Variants in LTBP1 observed in about 807,000 individuals in gnomAD.
The protein encoded by LTBP1 is latent transforming growth factor beta binding protein 1.
Under a neutral mutation model 207.6 loss-of-function variants are expected in LTBP1, and 129 were observed. The observed-to-expected ratio is 0.62, with a 90% CI of 0.54 to 0.72. The LOEUF is 0.72. Among genes scored for constraint, LTBP1 ranks in the 30% least tolerant of loss-of-function variants. LTBP1 has a pLI of 0.00. For synonymous variants in LTBP1, 963 were observed against 833.7 expected, an observed-to-expected ratio of 1.16 and a Z score of -2.67; for missense variants, 2,281 against 2,217.2, an observed-to-expected ratio of 1.03 and a Z score of -0.58.
In LTBP1 at chr2:33,051,281, G is replaced by A. The variant is rs375107599; in HGVS notation, c.863+30075G>A. Among the ~76,000 whole-genome samples the A allele has an allele frequency of 1.1e-4, 16 of 152,236 alleles. No homozygotes were observed. In the East Asian group the frequency reaches 1.9e-3, roughly 18 times the overall value. ...AAAATACAAAAATTGGCTGGGTGTG[G>A]TGGTGTGTGCCTGTTGTTCTAGCTA... is the stretch of plus-strand genomic sequence containing the variant. On this transcript the variant is annotated intron_variant, in intron 3 of 33. Coordinates refer to ENST00000404816, the MANE Select transcript of LTBP1 (RefSeq NM_206943.4).
intron 24 of LTBP1, among the ~76,000 whole-genome samples, chr2:33,338,265 T>G (rs969189250): frequency 2.6e-5 from 4 of 152,236 alleles, no homozygotes; most frequent in African/African-American, 9.6e-5. Flanking sequence ...AGTCTGAGAC[T>G]GCAAGACGCC....
intron 3 of LTBP1, among the ~76,000 whole-genome samples, chr2:33,052,990 T>A (rs2076819981): frequency 6.6e-6 from 1 of 152,014 alleles, no homozygotes. Context: ...TTCTCTTGCG[T>A]CAGCCTCCCG....
chr2:33,319,742 A>G (rs2094326460), intron 24 of LTBP1, among the ~76,000 whole-genome samples: 1 of 152,150 alleles, frequency 6.6e-6, no homozygotes, highest in Non-Finnish European at 1.5e-5. Context: ...TTCACATGAT[A>G]CAGCGGCCAT....
intron 8 of LTBP1, among the ~76,000 whole-genome samples, chr2:33,217,900 C>G (rs967378633): frequency 1.3e-5 from 2 of 152,064 alleles, no homozygotes; most frequent in African/African-American, 4.8e-5. Context: ...GAAAAAAAGT[C>G]TTAAGTGGTA....
In LTBP1 at chr2:33,005,883, G is replaced by A. The variant is rs139074596; in HGVS notation, c.566-15026G>A. Among the ~76,000 whole-genome samples the A allele has an allele frequency of 3.0e-4, 45 of 152,206 alleles. No individual in the cohort carries two copies. In the East Asian group the frequency reaches 6.4e-3, roughly 22 times the overall value. ...ATTACAGGCGTGAGCCACTGTGCCC[G>A]GCCGGCTCTGCCTTTTGATGGGAGT... is the stretch of plus-strand genomic sequence containing the variant. On this transcript the variant is annotated intron_variant, in intron 2 of 33. Coordinates refer to ENST00000404816, the MANE Select transcript of LTBP1 (RefSeq NM_206943.4).
chr2:33,255,507 A>G (rs1419484793), intron 11 of LTBP1, among the ~76,000 whole-genome samples: 1 of 152,218 alleles, frequency 6.6e-6, no homozygotes, highest in Admixed American at 6.5e-5. Context: ...ACTATAAATC[A>G]TGCTGCTATA....
intron 24 of LTBP1, among the ~76,000 whole-genome samples, chr2:33,337,359 A>T (rs1035436709): frequency 6.6e-6 from 1 of 152,170 alleles, no homozygotes; most frequent in Admixed American, 6.5e-5. Flanking sequence ...CATTGACAAC[A>T]TTGCTACTTT....
rs116274958 is a variant in LTBP1, at chr2:33,398,701, G to C, written c.*156G>C. ...CCTCTGAAGACAATGAGAGGATTTA[G>C]GATGAGCCCGATAGGTGTGGCAGAC... On this transcript the variant is annotated 3_prime_UTR_variant, in exon 34 of 34. Transcript: ENST00000404816. 2,060 of 647,660 alleles carry C rather than the reference G, an allele frequency of 3.2e-3. 34 individuals carry two copies. The African/African-American group carries it at 0.035, about 11-fold the overall frequency. 40.1% of individuals were successfully genotyped at this position (647,660 alleles called of 1,614,324 possible).
rs763406365 is a variant in LTBP1 at position 33,257,334 on chromosome 2, G to A, written c.2218G>A (p.Val740Ile). Reference protein sequence around the residue: ...PGGMGYTVSGVHRRRPIHHHV... With the variant: ...PGGMGYTVSGIHRRRPIHHHV... ...TGGAATGGGTTATACGGTTTCTGGCGTTCATAGACGCAGGCCAATCCATCA... is the reference window on the plus strand; with the variant it reads ...TGGAATGGGTTATACGGTTTCTGGCATTCATAGACGCAGGCCAATCCATCA... Residue 740 changes from valine to isoleucine, a missense_variant, in exon 12 of 34, where the codon GTT becomes ATT. By Grantham distance (29) the Val-to-Ile change is conservative (BLOSUM62 3). This residue lies in a region of LTBP1 where 1,671 missense variants were observed against 1,634.8 expected (regional missense o/e 1.02). Coordinates refer to ENST00000404816, the MANE Select transcript of LTBP1 (RefSeq NM_206943.4). 12 of 1,614,036 alleles carry A rather than the reference G, an allele frequency of 7.4e-6. No individual in the cohort carries two copies. Among genetic ancestry groups the A allele is most frequent in the South Asian group, 6.6e-5 (6 of 91,086 alleles).
intron 3 of LTBP1, among the ~76,000 whole-genome samples, chr2:33,066,497 G>A (rs2077517554): frequency 6.6e-6 from 1 of 152,272 alleles, no homozygotes; most frequent in East Asian, 1.9e-4. Flanking sequence ...TGTCAGAAGA[G>A]TAGAAAAGTA....
intron 23 of LTBP1, among the ~76,000 whole-genome samples, chr2:33,314,063 G>A (rs1485159344): frequency 2.6e-5 from 4 of 152,102 alleles, no homozygotes; most frequent in South Asian, 2.1e-4. Flanking sequence ...CCCTGGCCAC[G>A]GGGAGCACAA....
At chr2:33,351,578 C>G (rs2094782400) in intron 26 of LTBP1, among the ~76,000 whole-genome samples, 1 of 152,216 alleles carries the variant, frequency 6.6e-6, no homozygotes, top group Middle Eastern at 3.2e-3. Context: ...CCATATTCCC[C>G]TGTCTCAACA....
chr2:33,231,053 C>T (rs1212884786), intron 9 of LTBP1, among the ~76,000 whole-genome samples: 1 of 152,132 alleles, frequency 6.6e-6, no homozygotes, highest in Non-Finnish European at 1.5e-5. Context: ...CTGGGGCACT[C>T]CTAGCTATAG....
At chr2:33,058,465 C>T (rs1454428468) in intron 3 of LTBP1, among the ~76,000 whole-genome samples, 1 of 152,178 alleles carries the variant, frequency 6.6e-6, no homozygotes, top group Non-Finnish European at 1.5e-5. Context: ...AAACGTAGTA[C>T]CTTCCACTGA....
At chr2:33,376,232 A>G (rs918654507) in intron 31 of LTBP1, among the ~76,000 whole-genome samples, 1 of 152,198 alleles carries the variant, frequency 6.6e-6, no homozygotes, top group Non-Finnish European at 1.5e-5. Flanking sequence ...TCCTCATTCA[A>G]CTTAAAATCC....
chr2:33,221,978 ATAAG>A lies in LTBP1; in HGVS notation c.1805-96_1805-93del. Reference sequence around the variant, plus strand: ...ATTGGTTTCTTATATTAATAAATGAATAAGTAAGTTTGCTGATGCCTTAAATGGC... The same window carrying A: ...ATTGGTTTCTTATATTAATAAATGAATAAGTTTGCTGATGCCTTAAATGGC... On this transcript the variant is annotated intron_variant, in intron 8 of 33. Coordinates refer to ENST00000404816, the MANE Select transcript of LTBP1 (RefSeq NM_206943.4). 9.5e-6 allele frequency: 7 copies of A among 733,660 alleles called. No individual in the cohort carries two copies. The South Asian group carries it at 1.0e-4, about 11-fold the overall frequency. The allele number at this position is 733,660 out of a possible 1,614,324, so 45.4% of individuals were successfully genotyped here. A position where few individuals can be genotyped will look rare whatever the true frequency, so the allele number is the denominator to read the frequency against.
chr2:33,250,518 C>T (rs2092653209), intron 10 of LTBP1, among the ~76,000 whole-genome samples: 1 of 152,122 alleles, frequency 6.6e-6, no homozygotes, highest in Non-Finnish European at 1.5e-5. Context: ...CCTGCTCAGC[C>T]AGGATTAGCT....
intron 17 of LTBP1, 61 bp from the exon 18 acceptor site, chr2:33,275,740 G>C (rs185254710): frequency 6.3e-7 from 1 of 1,597,350 alleles, no homozygotes; most frequent in East Asian, 2.2e-5. Flanking sequence ...GCTGGGAGAT[G>C]GGAGAGGTTT....
chr2:33,213,021 A>G (rs185789466), intron 7 of LTBP1, among the ~76,000 whole-genome samples: 3 of 152,280 alleles, frequency 2.0e-5, no homozygotes. Context: ...GTCTGCACGT[A>G]GTCTCACCGT....
Sources: gnomAD v4.1 joint callset for allele counts (sites outside exome capture counted in the v4.1 genomes callset) on GRCh38, gnomAD v4.1.1 for gene constraint, gnomAD v4.1.1 regional missense constraint, MANE v1.5 for transcripts, NCBI Gene and HGNC (gene_info 2026-07-23, HGNC 2026-07-21) for gene names.